Variants in KCNK2 observed in about 807,000 individuals in gnomAD.
KCNK2 encodes potassium channel subfamily K member 2.
Under a neutral mutation model 40.5 loss-of-function variants are expected in KCNK2, and 21 were observed. The observed-to-expected ratio is 0.52, with a 90% CI of 0.37 to 0.75. The LOEUF (loss-of-function observed/expected upper bound fraction) is 0.75, where lower values mean the gene tolerates loss of function less well. Among genes scored for constraint, KCNK2 ranks in the 30% least tolerant of loss-of-function variants. KCNK2 has a pLI of 0.00. For missense variants in KCNK2, 399 were observed against 531.6 expected (o/e 0.75, Z 2.45); for synonymous variants, 191 against 202.2 (o/e 0.94, Z 0.47).
chr1:215,057,429 G>A (rs1009187059), intron 1 of KCNK2, among the ~76,000 whole-genome samples: 1 of 152,112 alleles, frequency 6.6e-6, no homozygotes, highest in Non-Finnish European at 1.5e-5. Context: ...GGCTTTGGGT[G>A]TGACAGCTGA....
chr1:215,191,275 C>T (rs1171470244), intron 5 of KCNK2, among the ~76,000 whole-genome samples: 1 of 116,758 alleles, frequency 8.6e-6, no homozygotes, highest in African/African-American at 2.7e-5. Context: ...CAGAGTGAGG[C>T]TGCATCTCAA....
chr1:215,007,035 ATATGTGTGTGTGTG>A (rs1202548972), intron 1 of KCNK2, among the ~76,000 whole-genome samples: 2 of 56,634 alleles, frequency 3.5e-5, no homozygotes, highest in African/African-American at 1.2e-4. Flanking sequence ...ATATATATAT[ATATGTGTGTGTGTG>A]TATATATATA....
At chr1:215,044,642 C>T (rs899862161) in intron 1 of KCNK2, among the ~76,000 whole-genome samples, 11 of 151,940 alleles carry the variant, frequency 7.2e-5, no homozygotes, top group Middle Eastern at 3.2e-3. Context: ...CAATTATCAC[C>T]GGTTATAATA....
chr1:215,139,145 G>A (rs1440032628), intron 3 of KCNK2, among the ~76,000 whole-genome samples: 1 of 152,128 alleles, frequency 6.6e-6, no homozygotes, highest in Admixed American at 6.6e-5. Flanking sequence ...TAGAGTGACA[G>A]GTAAGTCTTC....
At chr1:215,161,496 T>C (rs1221132220) in intron 3 of KCNK2, among the ~76,000 whole-genome samples, 1 of 152,064 alleles carries the variant, frequency 6.6e-6, no homozygotes, top group Non-Finnish European at 1.5e-5. Flanking sequence ...GGTATACATG[T>C]GCCATGGTGG....
intron 3 of KCNK2, among the ~76,000 whole-genome samples, chr1:215,126,156 C>T (rs183909399): frequency 7.2e-5 from 11 of 152,156 alleles, no homozygotes; most frequent in South Asian, 2.1e-4. Context: ...GGAAAATTTA[C>T]GGATGAACTC....
intron 1 of KCNK2, among the ~76,000 whole-genome samples, chr1:215,050,354 G>A (rs535020258): frequency 2.0e-5 from 3 of 152,220 alleles, no homozygotes; most frequent in East Asian, 3.9e-4. Flanking sequence ...TTCCGAACTC[G>A]AAGATTTCTT....
intron 6 of KCNK2, among the ~76,000 whole-genome samples, chr1:215,215,623 G>A (rs2102693864): frequency 6.6e-6 from 1 of 152,262 alleles, no homozygotes; most frequent in Non-Finnish European, 1.5e-5. Flanking sequence ...GGCCATGTGT[G>A]TGTCTATCAT....
At chr1:215,068,610 C>A (rs1658640543) in intron 1 of KCNK2, among the ~76,000 whole-genome samples, 1 of 151,950 alleles carries the variant, frequency 6.6e-6, no homozygotes, top group Non-Finnish European at 1.5e-5. Flanking sequence ...TTAATAGCTA[C>A]ACTTGGTGGC....
At chr1:215,032,670 T>C (rs1657245312) in intron 1 of KCNK2, among the ~76,000 whole-genome samples, 1 of 152,156 alleles carries the variant, frequency 6.6e-6, no homozygotes, top group African/African-American at 2.4e-5. Flanking sequence ...GGTTAGTGGA[T>C]TTTTTTCTCT....
intron 2 of KCNK2, among the ~76,000 whole-genome samples, chr1:215,123,791 C>G (rs57440894): frequency 6.6e-6 from 1 of 152,086 alleles, no homozygotes. Context: ...AAACATCATC[C>G]TCTGTAATCT....
intron 2 of KCNK2, among the ~76,000 whole-genome samples, chr1:215,093,462 T>A (rs1659787699): frequency 8.4e-6 from 1 of 119,152 alleles, no homozygotes; most frequent in Admixed American, 1.2e-4. Context: ...ATATAATATA[T>A]AATGTACATA....
chr1:215,113,310 C>G (rs1268593635), intron 2 of KCNK2, among the ~76,000 whole-genome samples: 1 of 152,064 alleles, frequency 6.6e-6, no homozygotes, highest in Non-Finnish European at 1.5e-5. Flanking sequence ...GTGAGGCAAC[C>G]AAAGCAGTAA....
intron 6 of KCNK2, among the ~76,000 whole-genome samples, chr1:215,206,668 TG>T (rs1483662414): frequency 6.6e-6 from 1 of 152,106 alleles, no homozygotes; most frequent in Non-Finnish European, 1.5e-5. Flanking sequence ...AGACTTGTCA[TG>T]TGTCCCTCTA....
chr1:215,059,938 G>A (rs1658311847), intron 1 of KCNK2, among the ~76,000 whole-genome samples: 1 of 152,228 alleles, frequency 6.6e-6, no homozygotes, highest in African/African-American at 2.4e-5. Context: ...CTCCAGCAGG[G>A]AGGTGCTGAG....
chr1:215,204,335 T>C (rs2102676844), intron 6 of KCNK2, among the ~76,000 whole-genome samples: 1 of 152,066 alleles, frequency 6.6e-6, no homozygotes, highest in Admixed American at 6.5e-5. Context: ...TTTTGATTCA[T>C]GTATTTCACA....
intron 6 of KCNK2, among the ~76,000 whole-genome samples, chr1:215,206,245 GTGTTTTCAA>G (rs1012564220): frequency 3.9e-5 from 6 of 152,056 alleles, no homozygotes; most frequent in African/African-American, 1.4e-4. Context: ...TGAACTGAAT[GTGTTTTCAA>G]AAAATCAATG....
intron 6 of KCNK2, among the ~76,000 whole-genome samples, chr1:215,223,897 C>A (rs1285244549): frequency 1.3e-5 from 2 of 151,826 alleles, no homozygotes; most frequent in African/African-American, 4.8e-5. Flanking sequence ...AAAACTGAAG[C>A]AGAGAATGTT....
At chr1:215,113,919 G>A (rs917773588) in intron 2 of KCNK2, among the ~76,000 whole-genome samples, 1 of 152,154 alleles carries the variant, frequency 6.6e-6, no homozygotes, top group Non-Finnish European at 1.5e-5. Flanking sequence ...TATACAGCAA[G>A]TGATTAAAAA....
Sources: gnomAD v4.1 joint callset for allele counts (sites outside exome capture counted in the v4.1 genomes callset) on GRCh38, gnomAD v4.1.1 for gene constraint, MANE v1.5 for transcripts, NCBI Gene and HGNC (gene_info 2026-07-23, HGNC 2026-07-21) for gene names.